SRPX: variants seen among roughly 807,000 people sequenced by gnomAD.
SRPX encodes sushi repeat-containing protein SRPX.
A neutral mutation model predicts 38.1 loss-of-function variants in SRPX; 24 were observed. The observed-to-expected ratio is 0.63, with a 90% CI of 0.46 to 0.89. SRPX has a LOEUF of 0.89. Among genes scored for constraint, SRPX ranks in the 40% least tolerant of loss-of-function variants. The probability of loss-of-function intolerance (pLI) is 0.00; values close to 1 mark genes in which losing one functional copy is unlikely to be tolerated. For missense variants in SRPX, 416 were observed against 377.8 expected (o/e 1.10, Z -0.84); for synonymous variants, 184 against 153.8 (o/e 1.20, Z -1.45).
At chrX:38,213,124 A>T (rs865883133) in intron 1 of SRPX, among the ~76,000 whole-genome samples, 1 of 111,251 alleles carries the variant, frequency 9.0e-6, no homozygotes, top group African/African-American at 3.3e-5. Context: ...AAAATGATAA[A>T]TACTGTGTAA....
intron 1 of SRPX, among the ~76,000 whole-genome samples, chrX:38,179,193 G>T (rs1263822885): frequency 9.0e-6 from 1 of 111,368 alleles, no homozygotes; most frequent in East Asian, 2.8e-4. Context: ...TGATCTGCCC[G>T]CCTCGGCCTC....
At chrX:38,190,785 G>A (rs192287276) in intron 1 of SRPX, among the ~76,000 whole-genome samples, 88 of 111,964 alleles carry the variant, frequency 7.9e-4, no homozygotes, top group Admixed American at 2.8e-3. Context: ...GACATCTATT[G>A]TGTTCCTCTC....
intron 1 of SRPX, among the ~76,000 whole-genome samples, chrX:38,188,055 G>GT (rs1938820243): frequency 9.1e-6 from 1 of 110,263 alleles, no homozygotes; most frequent in Non-Finnish European, 1.9e-5. Context: ...AGAGAACCAG[G>GT]ATCTGTAAAT....
chrX:38,207,198 A>G (rs934410499), intron 1 of SRPX, among the ~76,000 whole-genome samples: 6 of 112,572 alleles, frequency 5.3e-5, no homozygotes, highest in Non-Finnish European at 1.1e-4. Flanking sequence ...AAAGCTTTAT[A>G]AATGAAGGCA....
At chrX:38,161,609 T>C (rs1180637472) in intron 5 of SRPX, among the ~76,000 whole-genome samples, 1 of 111,811 alleles carries the variant, frequency 8.9e-6, no homozygotes, top group African/African-American at 3.3e-5. Flanking sequence ...TGACAAAAAG[T>C]GTTCTTTGCA....
At chrX:38,195,738 G>A (rs913824393) in intron 1 of SRPX, among the ~76,000 whole-genome samples, 1 of 111,695 alleles carries the variant, frequency 9.0e-6, no homozygotes, top group Non-Finnish European at 1.9e-5. Context: ...CTCCCAAGCT[G>A]TTCTCAACAT....
intron 1 of SRPX, among the ~76,000 whole-genome samples, chrX:38,181,545 C>T (rs984412562): frequency 9.0e-6 from 1 of 111,416 alleles, no homozygotes; most frequent in African/African-American, 3.3e-5. Context: ...AGGATAGTGA[C>T]GTTGGCAGTG....
At chrX:38,189,370 G>A (rs184207919) in intron 1 of SRPX, among the ~76,000 whole-genome samples, 19 of 111,921 alleles carry the variant, frequency 1.7e-4, no homozygotes, top group African/African-American at 4.5e-4. Flanking sequence ...TTAAAAATCT[G>A]CCTGGTCTTT....
At chrX:38,189,101 T>C (rs769860119) in intron 1 of SRPX, among the ~76,000 whole-genome samples, 1 of 111,540 alleles carries the variant, frequency 9.0e-6, no homozygotes, top group Non-Finnish European at 1.9e-5. Context: ...TCTGGTAGGA[T>C]GCAACTGAAA....
chrX:38,177,169 G>C (rs1938580743), intron 2 of SRPX, among the ~76,000 whole-genome samples: 1 of 111,821 alleles, frequency 8.9e-6, no homozygotes. Context: ...AAATAGTTAA[G>C]AAGTTTTGCG....
chrX:38,201,767 T>C (rs1170157381), intron 1 of SRPX, among the ~76,000 whole-genome samples: 1 of 103,511 alleles, frequency 9.7e-6, no homozygotes, highest in African/African-American at 3.6e-5. Context: ...TGCAGTGAGC[T>C]GAGATCACGC....
intron 5 of SRPX, among the ~76,000 whole-genome samples, chrX:38,162,782 C>A (rs935978005): frequency 1.8e-5 from 2 of 112,553 alleles, no homozygotes; most frequent in Admixed American, 9.3e-5. Flanking sequence ...CCACTGCACT[C>A]CAGCCTGGGC....
At position 38,160,124 on chromosome X, in the gene SRPX, C is replaced by G; in HGVS notation, c.848G>C (p.Gly283Ala). Residue 283 changes from glycine (G) to alanine (A), a missense_variant, in exon 7 of 10, where the codon GGA (glycine) becomes GCA (alanine). Physicochemically the swap from Gly to Ala is moderately conservative, Grantham distance 60 (BLOSUM62 0). Coordinates refer to ENST00000378533, the MANE Select transcript of SRPX (RefSeq NM_006307.5). ...GATGCAGGAGAACTCACAGGTGGCT[C>G]CATAATTATCACCGTCGCTGGAGCA... ...MKCSSDGDNYGATCEFSCIGG... is the reference protein window; with the variant it reads ...MKCSSDGDNYAATCEFSCIGG... 8.3e-7 allele frequency: 1 copy of G among 1,211,653 alleles called. No homozygotes were observed. Among genetic ancestry groups the G allele is most frequent in the Middle Eastern group, 2.3e-4 (1 of 4,354 alleles).
At chrX:38,168,197 G>C (rs1938396290) in intron 4 of SRPX, among the ~76,000 whole-genome samples, 1 of 112,268 alleles carries the variant, frequency 8.9e-6, no homozygotes, top group South Asian at 3.7e-4. Flanking sequence ...TGCAAGGGAA[G>C]TGACCCTGTG....
At chrX:38,167,300 C>T (rs955285664) in intron 4 of SRPX, among the ~76,000 whole-genome samples, 3 of 111,360 alleles carry the variant, frequency 2.7e-5, no homozygotes, top group Admixed American at 9.6e-5. Context: ...TAGTGTTTTC[C>T]GCCAACCTTT....
chrX:38,168,107 G>A, intron 4 of SRPX, among the ~76,000 whole-genome samples: 2 of 111,501 alleles, frequency 1.8e-5, no homozygotes, highest in Middle Eastern at 9.2e-3. Context: ...GGAAATCCTT[G>A]ACACATCTAA....
intron 1 of SRPX, among the ~76,000 whole-genome samples, chrX:38,182,850 T>C (rs890098183): frequency 6.3e-4 from 70 of 111,368 alleles, no homozygotes; most frequent in African/African-American, 2.3e-3. Flanking sequence ...GCAAAGTGGA[T>C]AGATAAAAAG....
At chrX:38,218,491 A>G in intron 1 of SRPX, among the ~76,000 whole-genome samples, 1 of 112,364 alleles carries the variant, frequency 8.9e-6, no homozygotes, top group Admixed American at 9.4e-5. Flanking sequence ...CTAAGATGGA[A>G]GAACTCCAGA....
intron 1 of SRPX, among the ~76,000 whole-genome samples, chrX:38,203,780 A>G (rs1474688431): frequency 8.9e-6 from 1 of 112,444 alleles, no homozygotes; most frequent in Non-Finnish European, 1.9e-5. Context: ...GAAGAAAGAA[A>G]GAAAGGAAGG....
Sources: gnomAD v4.1 joint callset for allele counts (sites outside exome capture counted in the v4.1 genomes callset) on GRCh38, gnomAD v4.1.1 for gene constraint, MANE v1.5 for transcripts, NCBI Gene and HGNC (gene_info 2026-07-23, HGNC 2026-07-21) for gene names.